Variants in SLC39A11 observed in about 807,000 individuals in gnomAD.
The protein encoded by SLC39A11 is zinc transporter ZIP11.
A neutral mutation model predicts 36.1 loss-of-function variants in SLC39A11; 33 were observed. The ratio of observed to expected loss-of-function variants is 0.91; its 90% CI spans 0.69 to 1.22. SLC39A11 has a LOEUF of 1.22. SLC39A11 is among the 50% of genes most tolerant of loss of function. SLC39A11 has a pLI of 0.00. For synonymous variants in SLC39A11, 166 were observed against 170.3 expected, an observed-to-expected ratio of 0.97 and a Z score of 0.20; for missense variants, 432 against 430.3, an observed-to-expected ratio of 1.00 and a Z score of -0.03.
chr17:72,715,879 T>C (rs895138267), intron 7 of SLC39A11, among the ~76,000 whole-genome samples: 1 of 151,870 alleles, frequency 6.6e-6, no homozygotes, highest in African/African-American at 2.4e-5. Flanking sequence ...GTATTTTGAG[T>C]AGAGACGTGG....
At chr17:72,686,992 T>C (rs928441909) in intron 7 of SLC39A11, among the ~76,000 whole-genome samples, 8 of 152,198 alleles carry the variant, frequency 5.3e-5, no homozygotes, top group African/African-American at 1.9e-4. Flanking sequence ...AGGGGAATTC[T>C]TTTCTTCAAA....
chr17:72,767,576 C>T (rs541494825), intron 6 of SLC39A11, among the ~76,000 whole-genome samples: 15 of 152,322 alleles, frequency 9.8e-5, no homozygotes, highest in South Asian at 2.1e-4. Flanking sequence ...GACAGCTCCA[C>T]GGAGAGCAAC....
chr17:72,757,596 A>G (rs957340210), intron 6 of SLC39A11, among the ~76,000 whole-genome samples: 3 of 151,242 alleles, frequency 2.0e-5, no homozygotes, highest in Non-Finnish European at 4.4e-5. Flanking sequence ...AGGCACTCCC[A>G]CCATGGGGCC....
intron 6 of SLC39A11, among the ~76,000 whole-genome samples, chr17:72,840,548 C>G (rs147631448): frequency 0.052 from 7,911 of 152,216 alleles, 239 homozygotes; most frequent in Middle Eastern, 0.085. Context: ...CACCTGAGGT[C>G]AGGAGTTTGA....
intron 4 of SLC39A11, among the ~76,000 whole-genome samples, chr17:72,958,600 C>T (rs2086394162): frequency 2.0e-5 from 3 of 152,198 alleles, no homozygotes; most frequent in African/African-American, 7.2e-5. Context: ...CCTGTAATCC[C>T]AGCACTTTGC....
intron 5 of SLC39A11, among the ~76,000 whole-genome samples, chr17:72,910,566 G>C (rs1018435378): frequency 4.0e-4 from 58 of 144,690 alleles, no homozygotes; most frequent in African/African-American, 1.5e-3. Flanking sequence ...GGAAGTTGCA[G>C]TGAGCAGAGA....
chr17:73,045,456 CTT>C (rs942537652), intron 3 of SLC39A11, among the ~76,000 whole-genome samples: 1 of 129,802 alleles, frequency 7.7e-6, no homozygotes, highest in Middle Eastern at 4.3e-3. Flanking sequence ...TCCTATATTT[CTT>C]TTTTTTCCAA....
At chr17:72,993,933 G>A (rs1033283458) in intron 4 of SLC39A11, among the ~76,000 whole-genome samples, 1 of 152,148 alleles carries the variant, frequency 6.6e-6, no homozygotes, top group Non-Finnish European at 1.5e-5. Flanking sequence ...TGTCCTGGGA[G>A]GGACCTAGTG....
chr17:72,854,110 A>G (rs1294816731), intron 5 of SLC39A11, among the ~76,000 whole-genome samples: 1 of 152,168 alleles, frequency 6.6e-6, no homozygotes, highest in East Asian at 1.9e-4. Flanking sequence ...CTTATCTTCA[A>G]TGAGTCCTCA....
intron 4 of SLC39A11, among the ~76,000 whole-genome samples, chr17:72,981,185 T>C (rs552263384): frequency 1.3e-5 from 2 of 152,322 alleles, no homozygotes; most frequent in Non-Finnish European, 2.9e-5. Context: ...GTAAGCAATA[T>C]AAAAATTGGT....
intron 4 of SLC39A11, among the ~76,000 whole-genome samples, chr17:72,974,043 C>T (rs948796709): frequency 6.6e-6 from 1 of 152,140 alleles, no homozygotes; most frequent in Non-Finnish European, 1.5e-5. Context: ...TTCCTATTGC[C>T]TAGTGACATC....
intron 5 of SLC39A11, among the ~76,000 whole-genome samples, chr17:72,869,774 C>T (rs982541978): frequency 6.6e-6 from 1 of 152,184 alleles, no homozygotes; most frequent in Non-Finnish European, 1.5e-5. Context: ...ATAATCCCTG[C>T]TGACATTTGA....
intron 7 of SLC39A11, among the ~76,000 whole-genome samples, chr17:72,714,742 G>T (rs1484482295): frequency 6.6e-6 from 1 of 152,170 alleles, no homozygotes; most frequent in Non-Finnish European, 1.5e-5. Flanking sequence ...TGATTATGGG[G>T]CTGTCCCCAA....
At chr17:72,775,198 G>A (rs920103424) in intron 6 of SLC39A11, among the ~76,000 whole-genome samples, 3 of 152,042 alleles carry the variant, frequency 2.0e-5, no homozygotes, top group Admixed American at 6.6e-5. Flanking sequence ...CTATAACAGC[G>A]TCTGTGGTCC....
chr17:72,938,770 T>C (rs1264878758), intron 5 of SLC39A11, among the ~76,000 whole-genome samples: 1 of 152,184 alleles, frequency 6.6e-6, no homozygotes, highest in Non-Finnish European at 1.5e-5. Context: ...TAAAAACACA[T>C]TTTCCAGTTT....
chr17:72,870,508 C>T (rs2080554706), intron 5 of SLC39A11, among the ~76,000 whole-genome samples: 1 of 152,242 alleles, frequency 6.6e-6, no homozygotes, highest in African/African-American at 2.4e-5. Flanking sequence ...TCGCTAGACT[C>T]CCAAATTGCC....
At chr17:73,046,457 GC>G (rs1408773443) in intron 3 of SLC39A11, among the ~76,000 whole-genome samples, 2 of 152,024 alleles carry the variant, frequency 1.3e-5, no homozygotes, top group East Asian at 1.9e-4. Flanking sequence ...CTACGAAAAA[GC>G]CCCCTCCTAG....
chr17:72,832,814 G>A (rs892661172), intron 6 of SLC39A11, among the ~76,000 whole-genome samples: 2 of 152,186 alleles, frequency 1.3e-5, no homozygotes, highest in African/African-American at 4.8e-5. Context: ...TCGCATATAT[G>A]AATATGAGTA....
chr17:72,881,056 T>A lies in SLC39A11; in HGVS notation c.431-31252A>T, dbSNP rs528964362. 1.3e-4 allele frequency among the ~76,000 whole-genome samples: 20 copies of A among 151,676 alleles called. No individual in the cohort carries two copies. In the East Asian group the frequency reaches 3.9e-3, roughly 30 times the overall value. On this transcript the variant is annotated intron_variant, in intron 5 of 9. Transcript: ENST00000255559. ...AGGAGATGGAACTCTCAGATGCTGC[T>A]AGTAGCAATATAAAATGCCAAAAGC...
Sources: allele counts gnomAD v4.1 joint callset (sites outside exome capture counted in the v4.1 genomes callset), GRCh38; gene constraint gnomAD v4.1.1; transcripts MANE v1.5; gene names NCBI Gene and HGNC (gene_info 2026-07-23, HGNC 2026-07-21).